The following DLC1 variants were observed in gnomAD, a reference collection of about 807,000 sequenced individuals.
DLC1 encodes the protein rho GTPase-activating protein 7.
Under a neutral mutation model 140.3 loss-of-function variants are expected in DLC1, and 54 were observed. The ratio of observed to expected loss-of-function variants is 0.38; its 90% confidence interval spans 0.31 to 0.48. DLC1 has a LOEUF of 0.48. Among genes scored for constraint, DLC1 ranks in the 20% least tolerant of loss-of-function variants. The pLI, the probability that DLC1 is intolerant of heterozygous loss-of-function variation, is 0.96. For synonymous variants in DLC1, 986 were observed against 728.1 expected, an observed-to-expected ratio of 1.35 and a Z score of -5.70; for missense variants, 2,536 against 1,907.0, an observed-to-expected ratio of 1.33 and a Z score of -6.14.
At chr8:13,260,158 A>G (rs991581410) in intron 5 of DLC1, among the ~76,000 whole-genome samples, 1 of 152,196 alleles carries the variant, frequency 6.6e-6, no homozygotes, top group Admixed American at 6.5e-5. Flanking sequence ...CCAAGCAGGT[A>G]GAGGTGCTTT....
At chr8:13,243,110 C>T (rs965364534) in intron 5 of DLC1, among the ~76,000 whole-genome samples, 3 of 143,718 alleles carry the variant, frequency 2.1e-5, no homozygotes, top group African/African-American at 3.0e-5. Flanking sequence ...GCCAACATGG[C>T]AAAAACCCAT....
At chr8:13,179,165 T>C (rs1825907731) in intron 5 of DLC1, among the ~76,000 whole-genome samples, 1 of 151,828 alleles carries the variant, frequency 6.6e-6, no homozygotes. Flanking sequence ...GGAATACAGA[T>C]GCAAAATAGT....
intron 5 of DLC1, among the ~76,000 whole-genome samples, chr8:13,177,488 C>G (rs1825815378): frequency 6.6e-6 from 1 of 152,138 alleles, no homozygotes. Context: ...TAGAATTTCA[C>G]AAGTGCATAG....
chr8:13,121,530 G>T (rs1308564808), intron 5 of DLC1, among the ~76,000 whole-genome samples: 1 of 152,086 alleles, frequency 6.6e-6, no homozygotes, highest in African/African-American at 2.4e-5. Flanking sequence ...ATGTAGGCAG[G>T]CATTGCGCTG....
intron 4 of DLC1, among the ~76,000 whole-genome samples, chr8:13,323,862 T>A (rs1446741331): frequency 6.6e-6 from 1 of 152,220 alleles, no homozygotes; most frequent in Non-Finnish European, 1.5e-5. Flanking sequence ...TTTCTGATTC[T>A]AAAATAAAAG....
At chr8:13,224,049 A>G (rs1017924020) in intron 5 of DLC1, among the ~76,000 whole-genome samples, 3 of 152,064 alleles carry the variant, frequency 2.0e-5, no homozygotes, top group Non-Finnish European at 4.4e-5. Context: ...GAATGATTAC[A>G]GATTCTGAGG....
intron 4 of DLC1, among the ~76,000 whole-genome samples, chr8:13,343,650 C>T (rs59856304): frequency 0.01 from 1,590 of 152,254 alleles, 28 homozygotes; most frequent in African/African-American, 0.036. Flanking sequence ...CTGCCAAAGT[C>T]AAGCTGTGAG....
intron 5 of DLC1, among the ~76,000 whole-genome samples, chr8:13,164,672 C>G (rs1276052450): frequency 6.6e-6 from 1 of 152,152 alleles, no homozygotes; most frequent in Non-Finnish European, 1.5e-5. Context: ...ATAGCCAGTG[C>G]AGACATTGAT....
intron 5 of DLC1, among the ~76,000 whole-genome samples, chr8:13,149,178 G>C (rs148988108): frequency 2.0e-5 from 3 of 152,206 alleles, no homozygotes; most frequent in Non-Finnish European, 2.9e-5. Flanking sequence ...ATTATCCTGA[G>C]AGAGCTTAAC....
intron 13 of DLC1, among the ~76,000 whole-genome samples, chr8:13,092,171 G>A (rs1166008147): frequency 6.6e-6 from 1 of 152,190 alleles, no homozygotes; most frequent in Non-Finnish European, 1.5e-5. Flanking sequence ...CTTGAACCTG[G>A]AAGGCAGAGG....
intron 4 of DLC1, chr8:13,339,989 T>C (rs1274562316): frequency 2.0e-5 from 3 of 151,982 alleles, no homozygotes; most frequent in Admixed American, 1.3e-4. Flanking sequence ...CTGACTGAAG[T>C]AGAAAATCAG....
chr8:13,163,367 T>C (rs1824864409), intron 5 of DLC1, among the ~76,000 whole-genome samples: 1 of 152,156 alleles, frequency 6.6e-6, no homozygotes. Flanking sequence ...TGCAAGACCT[T>C]CTGGAAAGCA....
intron 3 of DLC1, among the ~76,000 whole-genome samples, chr8:13,396,475 G>A (rs1586272120): frequency 6.6e-6 from 1 of 152,240 alleles, no homozygotes; most frequent in African/African-American, 2.4e-5. Context: ...ACCGTTTATT[G>A]CATTTTTACC....
intron 2 of DLC1, among the ~76,000 whole-genome samples, chr8:13,447,064 A>T (rs1356867405): frequency 6.6e-6 from 1 of 152,168 alleles, no homozygotes; most frequent in Non-Finnish European, 1.5e-5. Context: ...GATTTTTAAA[A>T]ATTTCTCTAA....
chr8:13,137,983 T>A (rs937626668), intron 5 of DLC1, among the ~76,000 whole-genome samples: 1 of 152,168 alleles, frequency 6.6e-6, no homozygotes, highest in Admixed American at 6.5e-5. Flanking sequence ...GGTATTAGCA[T>A]GGAAAGAAAG....
chr8:13,285,604 A>G (rs2117441625), intron 5 of DLC1, among the ~76,000 whole-genome samples: 1 of 152,326 alleles, frequency 6.6e-6, no homozygotes, highest in South Asian at 2.1e-4. Flanking sequence ...AATTAAAGAC[A>G]TATGGAGATA....
At chr8:13,461,982 T>C (rs1043398276) in intron 2 of DLC1, among the ~76,000 whole-genome samples, 1 of 152,186 alleles carries the variant, frequency 6.6e-6, no homozygotes, top group African/African-American at 2.4e-5. Context: ...TCAGCAGTAG[T>C]GGAGAGAAAG....
At chr8:13,409,541 G>C (rs987388282) in intron 2 of DLC1, among the ~76,000 whole-genome samples, 1 of 152,144 alleles carries the variant, frequency 6.6e-6, no homozygotes, top group South Asian at 2.1e-4. Context: ...TGGACCTACT[G>C]TGGCTAAACA....
chr8:13,150,159 G>A (rs1336819640), intron 5 of DLC1, among the ~76,000 whole-genome samples: 2 of 152,154 alleles, frequency 1.3e-5, no homozygotes, highest in African/African-American at 4.8e-5. Context: ...AAAAGAAATG[G>A]AGAAGAAAGA....
Sources: allele counts gnomAD v4.1 joint callset (sites outside exome capture counted in the v4.1 genomes callset), GRCh38; gene constraint gnomAD v4.1.1; transcripts MANE v1.5; gene names NCBI Gene and HGNC (gene_info 2026-07-23, HGNC 2026-07-21).